Variants in NCEH1 observed in about 807,000 individuals in gnomAD.
NCEH1 encodes the protein neutral cholesterol ester hydrolase 1, also known as 2-acetyl MAGE hydrolase.
A neutral mutation model predicts 25.4 loss-of-function variants in NCEH1; 9 were observed. That is an observed-to-expected ratio of 0.35 (90% confidence interval 0.21 to 0.62). The LOEUF (loss-of-function observed/expected upper bound fraction) is 0.62, where lower values mean the gene tolerates loss of function less well. Among genes scored for constraint, NCEH1 ranks in the 20% least tolerant of loss-of-function variants. The pLI, the probability that NCEH1 is intolerant of heterozygous loss-of-function variation, is 0.72. For synonymous variants in NCEH1, 200 were observed against 199.8 expected, an observed-to-expected ratio of 1.00 and a Z score of -0.01; for missense variants, 412 against 501.1, an observed-to-expected ratio of 0.82 and a Z score of 1.70.
chr3:172,678,601 T>C (rs1254674771), intron 1 of NCEH1, among the ~76,000 whole-genome samples: 3 of 152,200 alleles, frequency 2.0e-5, no homozygotes, highest in Admixed American at 6.5e-5. Context: ...CATATAATGA[T>C]CTTCCTGAGG....
At position 172,633,936 on chromosome 3, in the gene NCEH1, A is replaced by G; in HGVS notation, c.766T>C (p.Phe256Leu). ...YVMVKYWVDY[F>L]KGNYDFVQAM... ...TGCACAAAGTCATAGTTGCCTTTGA[A>G]GTAGTCCACCCAATACTTCACCATG... The change falls in exon 5 of 5, where the codon TTC becomes CTC. Residue 256 changes from phenylalanine (F) to leucine (L), a missense_variant. Physicochemically the swap from Phe to Leu is conservative, Grantham distance 22 (BLOSUM62 0). This residue lies in a region of NCEH1 where 210 missense variants were observed against 258.2 expected (regional missense o/e 0.81). Coordinates refer to ENST00000475381, the MANE Select transcript of NCEH1 (RefSeq NM_020792.6). The G allele has an allele frequency of 6.2e-7, 1 of 1,614,240 alleles. No homozygotes were observed. Among genetic ancestry groups the G allele is most frequent in the Non-Finnish European group, 8.5e-7 (1 of 1,180,036 alleles).
At chr3:172,665,277 G>A (rs1468443747) in intron 1 of NCEH1, among the ~76,000 whole-genome samples, 1 of 152,196 alleles carries the variant, frequency 6.6e-6, no homozygotes, top group Non-Finnish European at 1.5e-5. Context: ...GTTTGCCTGG[G>A]TATCACCAGC....
chr3:172,683,894 C>T (rs1011315193), intron 1 of NCEH1, among the ~76,000 whole-genome samples: 11 of 152,160 alleles, frequency 7.2e-5, no homozygotes, highest in Admixed American at 7.2e-4. Context: ...AGGTTATTTA[C>T]CACAGTAGTG....
intron 1 of NCEH1, among the ~76,000 whole-genome samples, chr3:172,704,008 T>C (rs488304): frequency 0.55 from 83,066 of 152,180 alleles, 24,748 homozygotes; most frequent in African/African-American, 0.8. Context: ...CGCATCATCA[T>C]AATTTCTGGA....
rs148493610 is a variant in NCEH1 at position 172,636,809 on chromosome 3, C to A, written c.438-722G>T. ...TAGAATTCATATCCCCTTAAGATTC[C>A]CAGAAAGCTCTGGTTTTGTCAAATG... On this transcript the variant is annotated intron_variant, in intron 3 of 4. Transcript: ENST00000475381. 3.7e-3 allele frequency among the ~76,000 whole-genome samples: 560 copies of A among 152,294 alleles called. 4 individuals carry two copies. The highest frequency in any genetic ancestry group is 0.013 in the African/African-American group (540 of 41,556).
intron 3 of NCEH1, among the ~76,000 whole-genome samples, chr3:172,640,017 C>T (rs1390741647): frequency 1.3e-5 from 2 of 152,178 alleles, no homozygotes; most frequent in Admixed American, 6.5e-5. Flanking sequence ...CCCCAAGCCC[C>T]GAATGACACC....
At chr3:172,686,457 C>G (rs989053360) in intron 1 of NCEH1, among the ~76,000 whole-genome samples, 40 of 152,204 alleles carry the variant, frequency 2.6e-4, no homozygotes, top group African/African-American at 9.4e-4. Flanking sequence ...CTGTGGGGGA[C>G]AGAAGGGTGG....
intron 1 of NCEH1, among the ~76,000 whole-genome samples, chr3:172,694,917 T>C (rs1200130831): frequency 6.6e-6 from 1 of 152,204 alleles, no homozygotes; most frequent in Non-Finnish European, 1.5e-5. Flanking sequence ...CTATTTCCTA[T>C]ATTTCCTTTA....
At chr3:172,635,110 T>C (rs1443277965) in intron 4 of NCEH1, among the ~76,000 whole-genome samples, 1 of 152,240 alleles carries the variant, frequency 6.6e-6, no homozygotes, top group Non-Finnish European at 1.5e-5. Context: ...ATCCCAGTGC[T>C]GTCTGGCTTC....
chr3:172,633,903 T>C lies in NCEH1; in HGVS notation c.799A>G (p.Ile267Val), dbSNP rs146068985. 2.5e-6 allele frequency: 4 copies of C among 1,614,224 alleles called. No individual in the cohort carries two copies. Among genetic ancestry groups the C allele is most frequent in the East Asian group, 2.2e-5 (1 of 44,886 alleles). Residue 267 changes from isoleucine to valine, a missense_variant, in exon 5 of 5, where the codon ATC (isoleucine) becomes GTC (valine). Physicochemically the swap from Ile to Val is conservative, Grantham distance 29. Coordinates refer to ENST00000475381, the MANE Select transcript of NCEH1 (RefSeq NM_020792.6). ...KGNYDFVQAM[I>V]VNNHTSLDVE... The stretch of plus-strand genomic sequence containing the variant: ...TCAAGTGAAGTGTGATTGTTAACGA[T>C]CATTGCCTGCACAAAGTCATAGTTG...
intron 1 of NCEH1, among the ~76,000 whole-genome samples, chr3:172,661,788 T>TGCTTGTG (rs747606996): frequency 6.6e-6 from 1 of 151,960 alleles, no homozygotes; most frequent in South Asian, 2.1e-4. Flanking sequence ...CTTATTGGTG[T>TGCTTGTG]ATAGGAATGC....
chr3:172,692,008 A>G (rs1799598), intron 1 of NCEH1, among the ~76,000 whole-genome samples: 31,506 of 150,556 alleles, frequency 0.21, 3,627 homozygotes, highest in African/African-American at 0.26. Flanking sequence ...GTAGTGAGAG[A>G]AGGTGAGAGG....
At chr3:172,683,983 T>C (rs1421608944) in intron 1 of NCEH1, among the ~76,000 whole-genome samples, 2 of 152,272 alleles carry the variant, frequency 1.3e-5, no homozygotes. Context: ...ATTTTCTTTC[T>C]GGCAAAGCCT....
chr3:172,630,551 G>A lies in NCEH1; in HGVS notation c.*2924C>T, dbSNP rs997511269. 6.6e-6 allele frequency: 1 copy of A among 152,236 alleles called. No homozygotes were observed. The highest frequency in any genetic ancestry group is 1.5e-5 in the Non-Finnish European group (1 of 68,050). 9.4% of individuals were successfully genotyped at this position (152,236 alleles called of 1,614,324 possible). On this transcript the variant is annotated 3_prime_UTR_variant, in exon 5 of 5. Transcript: ENST00000475381. ...AGCTGGAGTACTCCACTGGGCAGAA[G>A]ATTGGGAAAGAATTGTGGCTGGCAA... is the stretch of plus-strand genomic sequence containing the variant.
At chr3:172,644,033 G>A (rs537677183) in intron 3 of NCEH1, among the ~76,000 whole-genome samples, 10 of 152,308 alleles carry the variant, frequency 6.6e-5, no homozygotes, top group East Asian at 3.9e-4. Flanking sequence ...GTCCAGGTGC[G>A]GTGGCTGCTT....
chr3:172,668,347 C>CTTT (rs1560193718), intron 1 of NCEH1, among the ~76,000 whole-genome samples: 2 of 87,366 alleles, frequency 2.3e-5, no homozygotes, highest in Admixed American at 1.4e-4. Flanking sequence ...GAAAAGGAAG[C>CTTT]ATTTTTTTTT....
chr3:172,636,103 T>C lies in NCEH1; in HGVS notation c.438-16A>G, dbSNP rs2108488017. 5 of 1,604,472 alleles carry C rather than the reference T, an allele frequency of 3.1e-6. 1 individual carries two copies. The highest frequency in any genetic ancestry group is 3.3e-5 in the Admixed American group (2 of 59,814). ...TAGCCTGTATCTGTAAAAACAAAAGTTGTATTCATTTAAGGCCTTCTCCAA... is the reference window on the plus strand; with the variant it reads ...TAGCCTGTATCTGTAAAAACAAAAGCTGTATTCATTTAAGGCCTTCTCCAA... On this transcript the variant is annotated splice_polypyrimidine_tract_variant and intron_variant, in intron 3 of 4. Transcript: ENST00000475381.
At chr3:172,639,215 T>C (rs1018451200) in intron 3 of NCEH1, among the ~76,000 whole-genome samples, 3 of 151,572 alleles carry the variant, frequency 2.0e-5, no homozygotes, top group East Asian at 1.9e-4. Flanking sequence ...GGAGAATCGC[T>C]TGAACCAGGG....
At chr3:172,671,093 T>A (rs1039176089) in intron 1 of NCEH1, among the ~76,000 whole-genome samples, 2 of 149,678 alleles carry the variant, frequency 1.3e-5, no homozygotes, top group Non-Finnish European at 2.9e-5. Context: ...GACAAGCAGC[T>A]CTCAGATGAC....
Sources: allele counts gnomAD v4.1 joint callset (sites outside exome capture counted in the v4.1 genomes callset), GRCh38; gene constraint gnomAD v4.1.1; regional missense constraint gnomAD v4.1.1; transcripts MANE v1.5; gene names NCBI Gene and HGNC (gene_info 2026-07-23, HGNC 2026-07-21).